The following RPS6KA2 variants were observed in gnomAD, a reference collection of about 807,000 sequenced individuals.
RPS6KA2 encodes ribosomal protein S6 kinase A2.
A neutral mutation model predicts 91.8 loss-of-function variants in RPS6KA2; 42 were observed. That is an observed-to-expected ratio of 0.46 (90% CI 0.36 to 0.59). The LOEUF is 0.59. Ranked by LOEUF, RPS6KA2 falls within the 20% of genes least tolerant of loss-of-function variation. The probability of loss-of-function intolerance (pLI) is 0.00; values close to 1 mark genes in which losing one functional copy is unlikely to be tolerated. For synonymous variants in RPS6KA2, 414 were observed against 393.6 expected (o/e 1.05, Z -0.61); for missense variants, 798 against 978.5 (o/e 0.82, Z 2.46).
rs1199119317 is a variant in RPS6KA2, at chr6:166,668,897, C to CT, written c.124-130114dup. Among the ~76,000 whole-genome samples, 190 of 87,568 alleles carry CT rather than the reference C, an allele frequency of 2.2e-3. 1 individual carries two copies. The highest frequency in any genetic ancestry group is 0.015 in the East Asian group (37 of 2,522). 57.4% of individuals were successfully genotyped at this position (87,568 alleles called of 152,430 possible). On this transcript the variant is annotated intron_variant, in intron 2 of 21. Coordinates refer to the RPS6KA2 transcript ENST00000503859. ...CTTCCTTCCTTCCTTTCTTTCTTTTCTTTTTTTTTTTTCAGGGCCTCACTC... is the reference window on the plus strand; with the variant it reads ...CTTCCTTCCTTCCTTTCTTTCTTTTCTTTTTTTTTTTTTCAGGGCCTCACTC...
At chr6:166,730,627 T>G (rs1055592792) in intron 2 of RPS6KA2, among the ~76,000 whole-genome samples, 1 of 152,244 alleles carries the variant, frequency 6.6e-6, no homozygotes, top group African/African-American at 2.4e-5. Context: ...ATTCACAGCT[T>G]TTATTCTAAA....
chr6:166,627,750 C>T (rs1786950960), upstream of RPS6KA2: 1 of 152,278 alleles, frequency 6.6e-6, no homozygotes, highest in East Asian at 1.9e-4. Flanking sequence ...GCTCTTTCTT[C>T]CAGCTTGGGG....
chr6:166,765,416 A>C (rs1778284591), intron 2 of RPS6KA2, among the ~76,000 whole-genome samples: 1 of 152,218 alleles, frequency 6.6e-6, no homozygotes, highest in Non-Finnish European at 1.5e-5. Context: ...CCCACCTCCA[A>C]GATCCCTGCT....
chr6:166,497,974 G>A (rs1249342586), intron 8 of RPS6KA2, among the ~76,000 whole-genome samples: 1 of 152,154 alleles, frequency 6.6e-6, no homozygotes, highest in Admixed American at 6.5e-5. Flanking sequence ...AGTGGGATTG[G>A]GGGAGGGAGG....
At chr6:166,791,906 G>C (rs577284177) in intron 2 of RPS6KA2, among the ~76,000 whole-genome samples, 6 of 151,878 alleles carry the variant, frequency 4.0e-5, no homozygotes, top group Non-Finnish European at 7.4e-5. Context: ...GCCCACAAGA[G>C]AAAGCAAGAA....
At chr6:166,664,507 C>T (rs749765697) in intron 2 of RPS6KA2, among the ~76,000 whole-genome samples, 14 of 152,164 alleles carry the variant, frequency 9.2e-5, no homozygotes, top group African/African-American at 1.7e-4. Flanking sequence ...CTGCCCCTTG[C>T]GGCATGGAGG....
At position 166,437,774 on chromosome 6, in the gene RPS6KA2, C is replaced by T. The variant is rs1779380639; in HGVS notation, c.1333-5284G>A. Among the ~76,000 whole-genome samples, 2 of 152,188 alleles carry T rather than the reference C, an allele frequency of 1.3e-5. No homozygotes were observed. Among genetic ancestry groups the T allele is most frequent in the South Asian group, 2.1e-4 (1 of 4,836 alleles). ...AAACAAACACTGCCATTCCTGCTGG[C>T]CGAAGGCGACAACAGGAGACTTCGC... On this transcript the variant is annotated intron_variant, in intron 14 of 20. Coordinates refer to ENST00000265678, the MANE Select transcript of RPS6KA2 (RefSeq NM_021135.6). This position sits in a 1 kb window ranked among gnomAD's most constrained non-coding sequence, Gnocchi z 4.3.
At chr6:166,610,655 A>G (rs967036724) in intron 1 of RPS6KA2, among the ~76,000 whole-genome samples, 1 of 152,248 alleles carries the variant, frequency 6.6e-6, no homozygotes, top group African/African-American at 2.4e-5. Context: ...CTAATTTATC[A>G]AAACATAATC....
chr6:166,696,950 G>T (rs1432387895), intron 2 of RPS6KA2, among the ~76,000 whole-genome samples: 1 of 152,066 alleles, frequency 6.6e-6, no homozygotes, highest in African/African-American at 2.4e-5. Flanking sequence ...CTTACACCAT[G>T]GGCCCTTCTG....
At chr6:166,700,936 C>G (rs1789496024) in intron 2 of RPS6KA2, among the ~76,000 whole-genome samples, 1 of 152,154 alleles carries the variant, frequency 6.6e-6, no homozygotes, top group South Asian at 2.1e-4. Context: ...CACATTCTCA[C>G]AGAGACAGGA....
At chr6:166,511,059 C>T (rs1782464966) in intron 3 of RPS6KA2, among the ~76,000 whole-genome samples, 1 of 152,160 alleles carries the variant, frequency 6.6e-6, no homozygotes, top group Admixed American at 6.5e-5. Flanking sequence ...ATTTTGGTCA[C>T]CAGGTGATGC....
At chr6:166,439,045 T>A (rs1277387551) in intron 14 of RPS6KA2, among the ~76,000 whole-genome samples, 2 of 152,236 alleles carry the variant, frequency 1.3e-5, no homozygotes, top group Non-Finnish European at 2.9e-5. Context: ...ACCCCGATTT[T>A]AAAAATTTGA....
rs772873843 is a variant in RPS6KA2, at chr6:166,423,208, T to C, written c.1743+48A>G. 1 of 1,564,032 alleles carries C rather than the reference T, an allele frequency of 6.4e-7. No individual in the cohort carries two copies. The highest frequency in any genetic ancestry group is 1.2e-5 in the South Asian group (1 of 85,818). ...CTCTGCAGTGGGAGGGGGCAGAGCC[T>C]GTCTTTGCGGATAGAGAGGCCTGGG... is the stretch of plus-strand genomic sequence containing the variant. On this transcript the variant is annotated intron_variant, in intron 17 of 20. Transcript: ENST00000265678. This position sits in a 1 kb window ranked among gnomAD's most constrained non-coding sequence, Gnocchi z 4.8.
intron 2 of RPS6KA2, among the ~76,000 whole-genome samples, chr6:166,823,775 A>C (rs1183431977): frequency 2.0e-5 from 3 of 152,202 alleles, no homozygotes; most frequent in African/African-American, 7.2e-5. Flanking sequence ...GCCACTAAAA[A>C]TGTAGAGAGA....
chr6:166,801,881 A>G (rs1329750074), intron 2 of RPS6KA2, among the ~76,000 whole-genome samples: 1 of 152,142 alleles, frequency 6.6e-6, no homozygotes, highest in Non-Finnish European at 1.5e-5. Flanking sequence ...GAGAAAAACA[A>G]TTGAGAAGGA....
chr6:166,724,812 T>A (rs1790286485), intron 2 of RPS6KA2, among the ~76,000 whole-genome samples: 1 of 152,230 alleles, frequency 6.6e-6, no homozygotes, highest in Non-Finnish European at 1.5e-5. Context: ...ATTCATCAGC[T>A]TTACACAGAC....
At chr6:166,420,045 G>C in intron 17 of RPS6KA2, 87 bp from the exon 18 acceptor site, 2 of 1,260,750 alleles carry the variant, frequency 1.6e-6, no homozygotes, top group Non-Finnish European at 2.3e-6. Context: ...TCCTACGCCG[G>C]CAAGCTGGGG....
intron 14 of RPS6KA2, among the ~76,000 whole-genome samples, chr6:166,440,870 G>A (rs1779498708): frequency 6.6e-6 from 1 of 152,236 alleles, no homozygotes; most frequent in African/African-American, 2.4e-5. Flanking sequence ...CCGCCGGTGA[G>A]TATTCTTGGG....
At position 166,488,806 on chromosome 6, in the gene RPS6KA2, G is replaced by A; in HGVS notation, c.907+27C>T. On this transcript the variant is annotated intron_variant, in intron 10 of 20. Coordinates refer to ENST00000265678, the MANE Select transcript of RPS6KA2 (RefSeq NM_021135.6). ...GCGGGGCAGCGCCCTGCACGTTCCC[G>A]TGGTGGGGTGTCCCGGGGAATCTTA... 7 of 1,584,828 alleles carry A rather than the reference G, an allele frequency of 4.4e-6. No homozygotes were observed. The East Asian group carries it at 6.7e-5, about 15-fold the overall frequency.
Sources: allele counts gnomAD v4.1 joint callset (sites outside exome capture counted in the v4.1 genomes callset), GRCh38; gene constraint gnomAD v4.1.1; non-coding constraint Gnocchi (gnomAD v3.1); transcripts MANE v1.5; gene names NCBI Gene and HGNC (gene_info 2026-07-23, HGNC 2026-07-21).